Variants in DENND1B observed in about 807,000 individuals in gnomAD.
DENND1B encodes the protein DENN domain-containing protein 1B.
In DENND1B, 59 loss-of-function variants were observed where a neutral mutation model predicts 90.1. The observed-to-expected ratio is 0.65, with a 90% CI of 0.53 to 0.81. The LOEUF is 0.81. Ranked by LOEUF, DENND1B falls within the 40% of genes least tolerant of loss-of-function variation. DENND1B has a pLI of 0.00. For missense variants in DENND1B, 862 were observed against 912.6 expected (o/e 0.94, Z 0.71); for synonymous variants, 337 against 324.6 (o/e 1.04, Z -0.41).
At chr1:197,629,955 G>A (rs1368192979) in intron 10 of DENND1B, among the ~76,000 whole-genome samples, 1 of 152,020 alleles carries the variant, frequency 6.6e-6, no homozygotes, top group Non-Finnish European at 1.5e-5. Context: ...ATGAAAAGAT[G>A]TTCCCCATCA....
At chr1:197,708,146 G>A (rs1659802605) in intron 3 of DENND1B, among the ~76,000 whole-genome samples, 1 of 100,670 alleles carries the variant, frequency 9.9e-6, no homozygotes, top group Non-Finnish European at 1.9e-5. Flanking sequence ...CAACGAGGCT[G>A]GGGGAGGGGC....
intron 2 of DENND1B, among the ~76,000 whole-genome samples, chr1:197,742,394 G>T (rs1028550387): frequency 3.3e-5 from 5 of 152,040 alleles, no homozygotes; most frequent in Non-Finnish European, 7.4e-5. Flanking sequence ...ATTTTTAAAA[G>T]AAGAAAAGAT....
At chr1:197,740,914 G>A (rs987803826) in intron 2 of DENND1B, among the ~76,000 whole-genome samples, 23 of 152,118 alleles carry the variant, frequency 1.5e-4, no homozygotes, top group Non-Finnish European at 2.9e-4. Flanking sequence ...CCAAATTTCT[G>A]TCCTACAATT....
Position 197,642,701 on chromosome 1 carries a change from AAGT to A in DENND1B, c.672+7_672+9del. Reference sequence around the variant, plus strand: ...ATACCTGCTACTTAAAAGAAGTGTGAAGTACTTACAGTGCTTAATTTGCTCGAG... The same window carrying A: ...ATACCTGCTACTTAAAAGAAGTGTGAACTTACAGTGCTTAATTTGCTCGAG... On this transcript the variant is annotated splice_region_variant and intron_variant, in intron 10 of 22. Coordinates refer to ENST00000620048, the MANE Select transcript of DENND1B (RefSeq NM_001195215.2). The A allele has an allele frequency of 6.3e-7, 1 of 1,596,268 alleles. No individual in the cohort carries two copies. The highest frequency in any genetic ancestry group is 8.6e-7 in the Non-Finnish European group (1 of 1,168,844).
chr1:197,559,620 T>G (rs1401890917), intron 15 of DENND1B, among the ~76,000 whole-genome samples: 1 of 151,894 alleles, frequency 6.6e-6, no homozygotes, highest in Non-Finnish European at 1.5e-5. Context: ...AATCAGCAAT[T>G]TAAGGAAAAA....
Position 197,545,983 on chromosome 1 carries a change from C to A in DENND1B, c.1289G>T (p.Gly430Val). The A allele has an allele frequency of 6.2e-7, 1 of 1,600,144 alleles. No individual in the cohort carries two copies. Among genetic ancestry groups the A allele is most frequent in the Non-Finnish European group, 8.5e-7 (1 of 1,176,540 alleles). Residue 430 changes from glycine (G) to valine (V), a missense_variant, in exon 18 of 23, where the codon GGT becomes GTT. Coordinates refer to ENST00000620048, the MANE Select transcript of DENND1B (RefSeq NM_001195215.2). The stretch of plus-strand genomic sequence containing the variant: ...GGTCATTGCTGTGTTGAACAGTGCA[C>A]CTCCTTTCTGCAAAAGAAAAACAGA... ...QQWVHTVKKG[G>V]ALFNTAMTKA... is the part of the protein sequence containing the mutation.
intron 16 of DENND1B, among the ~76,000 whole-genome samples, chr1:197,551,300 G>A (rs181847621): frequency 6.6e-6 from 1 of 151,900 alleles, no homozygotes; most frequent in African/African-American, 2.4e-5. Context: ...AATTTCTAAC[G>A]GACTTTCTTG....
At chr1:197,745,379 CCA>C (rs905227714) in intron 2 of DENND1B, among the ~76,000 whole-genome samples, 23 of 152,122 alleles carry the variant, frequency 1.5e-4, no homozygotes, top group African/African-American at 3.6e-4. Context: ...CACTTAGAGG[CCA>C]TTGTAGGGTT....
chr1:197,557,244 G>T (rs1671792333), intron 15 of DENND1B, among the ~76,000 whole-genome samples: 1 of 151,858 alleles, frequency 6.6e-6, no homozygotes, highest in South Asian at 2.1e-4. Context: ...AAAATAAAGT[G>T]AAAGCAAAAT....
chr1:197,652,359 C>G, intron 6 of DENND1B, 44 bp from the exon 7 acceptor site: 1 of 1,424,990 alleles, frequency 7.0e-7, no homozygotes, highest in African/African-American at 1.5e-5. Flanking sequence ...AAACATATAC[C>G]AAGCAACTGC....
At chr1:197,629,062 C>T (rs1158576819) in intron 10 of DENND1B, among the ~76,000 whole-genome samples, 4 of 152,146 alleles carry the variant, frequency 2.6e-5, no homozygotes, top group Non-Finnish European at 5.9e-5. Flanking sequence ...AATAGGTACA[C>T]TTTTACACTG....
intron 20 of DENND1B, among the ~76,000 whole-genome samples, chr1:197,522,017 A>C (rs1668811812): frequency 6.6e-6 from 1 of 152,060 alleles, no homozygotes; most frequent in Non-Finnish European, 1.5e-5. Context: ...ATGCTAGATA[A>C]ATAAGTCCAG....
chr1:197,634,881 C>T (rs906150009), intron 10 of DENND1B, among the ~76,000 whole-genome samples: 4 of 152,150 alleles, frequency 2.6e-5, no homozygotes, highest in African/African-American at 9.7e-5. Context: ...GTCCCAGCTA[C>T]TTGGGAGGCT....
At chr1:197,563,424 G>T (rs1672341729) in intron 15 of DENND1B, among the ~76,000 whole-genome samples, 4 of 152,076 alleles carry the variant, frequency 2.6e-5, no homozygotes, top group African/African-American at 9.6e-5. Context: ...AGTCTACTCT[G>T]CCTGTGCTCT....
intron 3 of DENND1B, among the ~76,000 whole-genome samples, chr1:197,701,145 C>T (rs1658984549): frequency 6.6e-6 from 1 of 152,150 alleles, no homozygotes; most frequent in Non-Finnish European, 1.5e-5. Flanking sequence ...TTTGTTGCAG[C>T]ACTATTTACA....
intron 2 of DENND1B, among the ~76,000 whole-genome samples, chr1:197,737,135 G>A (rs568695156): frequency 2.6e-5 from 4 of 152,122 alleles, no homozygotes; most frequent in Non-Finnish European, 4.4e-5. Context: ...GCATATCAGA[G>A]ACACTGCTCC....
intron 2 of DENND1B, among the ~76,000 whole-genome samples, chr1:197,731,809 G>A (rs145164772): frequency 1.3e-5 from 2 of 152,016 alleles, no homozygotes; most frequent in African/African-American, 4.8e-5. Flanking sequence ...CCATAGGTTG[G>A]ACAAGCTTGC....
At chr1:197,677,898 T>C (rs989610440) in intron 3 of DENND1B, among the ~76,000 whole-genome samples, 9 of 152,192 alleles carry the variant, frequency 5.9e-5, no homozygotes, top group Non-Finnish European at 1.3e-4. Flanking sequence ...GTTGGCTTTT[T>C]CCTCAGCTAT....
intron 12 of DENND1B, among the ~76,000 whole-genome samples, chr1:197,611,134 G>C (rs1432607072): frequency 1.3e-5 from 2 of 150,774 alleles, no homozygotes; most frequent in African/African-American, 4.8e-5. Flanking sequence ...ATTAGAAACT[G>C]GGTTAAAGTA....
Sources: allele counts gnomAD v4.1 joint callset (sites outside exome capture counted in the v4.1 genomes callset), GRCh38; gene constraint gnomAD v4.1.1; transcripts MANE v1.5; gene names NCBI Gene and HGNC (gene_info 2026-07-23, HGNC 2026-07-21).